The following TRHDE variants were observed in gnomAD, a reference collection of about 807,000 sequenced individuals.
TRHDE encodes thyrotropin-releasing hormone-degrading ectoenzyme.
TRHDE carries 72 observed loss-of-function variants against 125.7 expected under a neutral mutation model. The ratio of observed to expected loss-of-function variants is 0.57; its 90% CI spans 0.47 to 0.70. The LOEUF (loss-of-function observed/expected upper bound fraction) is 0.70, where lower values mean the gene tolerates loss of function less well. Among genes scored for constraint, TRHDE ranks in the 30% least tolerant of loss-of-function variants. The pLI is 0.00. For synonymous variants in TRHDE, 509 were observed against 509.1 expected (o/e 1.00, Z 0.00); for missense variants, 1,110 against 1,327.1 (o/e 0.84, Z 2.54).
At chr12:72,165,062 A>T (rs1037969329) in intron 2 of TRHDE, among the ~76,000 whole-genome samples, 7 of 151,982 alleles carry the variant, frequency 4.6e-5, no homozygotes, top group African/African-American at 1.7e-4. Flanking sequence ...CTCACTAAAA[A>T]CTCAAGGTCT....
chr12:72,338,431 G>A (rs186388689), intron 2 of TRHDE, among the ~76,000 whole-genome samples: 9 of 152,292 alleles, frequency 5.9e-5, no homozygotes, highest in Admixed American at 3.9e-4. Context: ...CCTTCAGAAC[G>A]TGGGATCATT....
intron 15 of TRHDE, among the ~76,000 whole-genome samples, chr12:72,630,340 G>T (rs1380058921): frequency 1.3e-5 from 2 of 151,676 alleles, no homozygotes; most frequent in African/African-American, 4.8e-5. Flanking sequence ...GAGAGATACC[G>T]GGAGTAAGTC....
intron 15 of TRHDE, among the ~76,000 whole-genome samples, chr12:72,635,984 G>A (rs1271041131): frequency 3.3e-5 from 5 of 151,178 alleles, no homozygotes; most frequent in Non-Finnish European, 3.0e-5. Context: ...TTGGCGATGT[G>A]GGCTCTTTTT....
At chr12:72,559,558 T>C (rs1351642667) in intron 7 of TRHDE, among the ~76,000 whole-genome samples, 1 of 148,962 alleles carries the variant, frequency 6.7e-6, no homozygotes, top group Non-Finnish European at 1.5e-5. Flanking sequence ...ATTCTGGTGA[T>C]TATCTTTATT....
In TRHDE at chr12:72,619,041, A is replaced by G; in HGVS notation, c.2469+3A>G. The G allele has an allele frequency of 1.9e-6, 3 of 1,544,520 alleles. No individual in the cohort carries two copies. The highest frequency in any genetic ancestry group is 2.6e-6 in the Non-Finnish European group (3 of 1,149,488). On this transcript the variant is annotated splice_donor_region_variant and intron_variant, in intron 13 of 18. Coordinates refer to ENST00000261180, the MANE Select transcript of TRHDE (RefSeq NM_013381.3). ...TGGAAAACTACAACATTTTCAATGTAAAAAGATATAATTTTTCTTTCTAAT... is the reference window on the plus strand; with the variant it reads ...TGGAAAACTACAACATTTTCAATGTGAAAAGATATAATTTTTCTTTCTAAT...
intron 3 of TRHDE, among the ~76,000 whole-genome samples, chr12:72,428,011 A>T (rs1221277251): frequency 6.6e-6 from 1 of 152,152 alleles, no homozygotes; most frequent in Admixed American, 6.6e-5. Context: ...ACTCCACATC[A>T]TTGTTAGGCA....
At chr12:72,275,753 A>G (rs7979378) in intron 1 of TRHDE, among the ~76,000 whole-genome samples, 27,142 of 152,094 alleles carry the variant, frequency 0.18, 2,551 homozygotes, top group Middle Eastern at 0.33. Context: ...TTCTGCTTGA[A>G]CCGTAACTGA....
intron 15 of TRHDE, among the ~76,000 whole-genome samples, 180 bp downstream of exon 15, chr12:72,621,931 A>T (rs1469179003): frequency 6.6e-6 from 1 of 152,178 alleles, no homozygotes; most frequent in Non-Finnish European, 1.5e-5. Flanking sequence ...CAATACAGGT[A>T]TCTTTGAAAT....
chr12:72,150,861 A>G (rs1876345284), intron 2 of TRHDE, among the ~76,000 whole-genome samples: 1 of 151,966 alleles, frequency 6.6e-6, no homozygotes, highest in African/African-American at 2.4e-5. Context: ...ATAAACATAC[A>G]CGTGCATGTG....
chr12:72,409,078 A>G (rs1873387080), intron 3 of TRHDE, among the ~76,000 whole-genome samples: 1 of 152,204 alleles, frequency 6.6e-6, no homozygotes, highest in African/African-American at 2.4e-5. Flanking sequence ...AGAAATACAC[A>G]CTTGAATATA....
At chr12:72,267,461 C>T (rs367718313), upstream of TRHDE, among the ~76,000 whole-genome samples, 50 of 152,070 alleles carry the variant, frequency 3.3e-4, no homozygotes, top group East Asian at 8.5e-3. Flanking sequence ...CCATTTTATG[C>T]TGTGAGGCTT....
intron 3 of TRHDE, among the ~76,000 whole-genome samples, chr12:72,454,190 T>TA (rs1258151423): frequency 1.3e-5 from 2 of 152,080 alleles, no homozygotes; most frequent in African/African-American, 4.8e-5. Context: ...AAATTTGTTT[T>TA]TTTTTAAAAA....
chr12:72,252,675 A>T (rs2139387994), intron 2 of TRHDE, among the ~76,000 whole-genome samples: 1 of 152,188 alleles, frequency 6.6e-6, no homozygotes, highest in South Asian at 2.1e-4. Context: ...GCCTACAAAA[A>T]ACTTCCCTGA....
intron 12 of TRHDE, among the ~76,000 whole-genome samples, chr12:72,616,714 T>A (rs1234289513): frequency 6.6e-6 from 1 of 152,132 alleles, no homozygotes; most frequent in Non-Finnish European, 1.5e-5. Flanking sequence ...CAAAGTTATT[T>A]GAAGTTTTGT....
At chr12:72,422,227 G>A (rs947854906) in intron 3 of TRHDE, among the ~76,000 whole-genome samples, 3 of 152,196 alleles carry the variant, frequency 2.0e-5, no homozygotes, top group Admixed American at 1.3e-4. Flanking sequence ...CCAATTTTGT[G>A]CTGCACCTTA....
At chr12:72,575,732 T>G (rs1348267785) in intron 12 of TRHDE, among the ~76,000 whole-genome samples, 190 bp downstream of exon 12, 1 of 152,130 alleles carries the variant, frequency 6.6e-6, no homozygotes, top group African/African-American at 2.4e-5. Flanking sequence ...CTATAGGGTA[T>G]TTCTAAGTCA....
At chr12:72,429,495 T>C (rs1350165865) in intron 3 of TRHDE, among the ~76,000 whole-genome samples, 1 of 152,020 alleles carries the variant, frequency 6.6e-6, no homozygotes, top group African/African-American at 2.4e-5. Flanking sequence ...AATATTCATG[T>C]ACGTGTTATT....
At chr12:72,446,013 C>T (rs1875259224) in intron 3 of TRHDE, among the ~76,000 whole-genome samples, 1 of 151,854 alleles carries the variant, frequency 6.6e-6, no homozygotes, top group Admixed American at 6.6e-5. Context: ...TGTATTTCTC[C>T]TTGTCCCAGT....
At chr12:72,264,002 G>A (rs1439409011) in intron 2 of TRHDE, 1 of 151,836 alleles carries the variant, frequency 6.6e-6, no homozygotes, top group Non-Finnish European at 1.5e-5. Context: ...TTTTCTACTT[G>A]TTCTGAAATG....
Sources: allele counts gnomAD v4.1 joint callset (sites outside exome capture counted in the v4.1 genomes callset), GRCh38; gene constraint gnomAD v4.1.1; transcripts MANE v1.5; gene names NCBI Gene and HGNC (gene_info 2026-07-23, HGNC 2026-07-21).